MYH11: variants seen among roughly 807,000 people sequenced by gnomAD.
MYH11 encodes the protein myosin heavy chain 11.
A neutral mutation model predicts 246.6 loss-of-function variants in MYH11; 80 were observed. The ratio of observed to expected loss-of-function variants is 0.32; its 90% CI spans 0.27 to 0.39. MYH11 has a LOEUF of 0.39. Ranked by LOEUF, MYH11 falls within the 10% of genes least tolerant of loss-of-function variation. The pLI is 1.00. For synonymous variants in MYH11, 1,071 were observed against 1,015.5 expected (o/e 1.05, Z -1.04); for missense variants, 2,158 against 2,546.8 (o/e 0.85, Z 3.29).
intron 2 of MYH11, among the ~76,000 whole-genome samples, chr16:15,831,447 C>T (rs2043733368): frequency 7.4e-6 from 1 of 135,652 alleles, no homozygotes; most frequent in Non-Finnish European, 1.6e-5. Context: ...CAAGGAGTGA[C>T]TTTTTCTTAT....
chr16:15,851,044 C>T (rs1327904222), intron 1 of MYH11, among the ~76,000 whole-genome samples: 1 of 152,178 alleles, frequency 6.6e-6, no homozygotes, highest in African/African-American at 2.4e-5. Flanking sequence ...GCCTGGGCAG[C>T]ACAGTGAGAT....
intron 15 of MYH11, among the ~76,000 whole-genome samples, chr16:15,751,736 C>T (rs190034218): frequency 7.8e-4 from 118 of 151,896 alleles, no homozygotes; most frequent in Admixed American, 5.6e-3. Flanking sequence ...CCTTAGCCTC[C>T]TGAGTAGCTG....
intron 4 of MYH11, among the ~76,000 whole-genome samples, chr16:15,793,948 T>TTG (rs1555452954): frequency 1.6e-5 from 2 of 123,878 alleles, no homozygotes; most frequent in Admixed American, 8.5e-5. Context: ...TTCTTTTCTT[T>TTG]TTTTTTTTTT....
chr16:15,748,852 C>T (rs79809291), intron 16 of MYH11, among the ~76,000 whole-genome samples: 8,871 of 152,158 alleles, frequency 0.058, 884 homozygotes, highest in African/African-American at 0.2. Flanking sequence ...CACCTGGTCT[C>T]AAGTGATCCT....
rs559538731 is a variant in MYH11, at chr16:15,813,084, T to C, written c.502+10171A>G. On this transcript the variant is annotated intron_variant, in intron 3 of 40. Transcript: ENST00000300036. The stretch of plus-strand genomic sequence containing the variant: ...CAGGAGGCTGAGGCAGGAGAATCAC[T>C]TGAACCCAGGAGGTGGAGGTTGCAG... 3.9e-5 allele frequency among the ~76,000 whole-genome samples: 6 copies of C among 152,136 alleles called. No homozygotes were observed. The East Asian group carries it at 9.7e-4, about 25-fold the overall frequency.
chr16:15,851,836 C>T (rs1040766866), intron 1 of MYH11, among the ~76,000 whole-genome samples: 2 of 152,132 alleles, frequency 1.3e-5, no homozygotes, highest in African/African-American at 2.4e-5. Context: ...GCAAGAGTTA[C>T]GGTAGCCCCT....
intron 4 of MYH11, chr16:15,792,593 G>C (rs1385988628): frequency 3.0e-4 from 45 of 151,988 alleles, no homozygotes; most frequent in Admixed American, 2.9e-3. Flanking sequence ...ACGTAAACAA[G>C]TGGGTGCGGC....
intron 6 of MYH11, 88 bp from the exon 7 acceptor site, chr16:15,778,931 A>G (rs977518538): frequency 4.1e-6 from 5 of 1,227,930 alleles, no homozygotes; most frequent in Non-Finnish European, 6.0e-6. Flanking sequence ...CAGATGGTAC[A>G]GAGGATGGGA....
At chr16:15,732,240 G>C (rs571182378) in intron 27 of MYH11, among the ~76,000 whole-genome samples, 1 of 152,100 alleles carries the variant, frequency 6.6e-6, no homozygotes, top group South Asian at 2.1e-4. Context: ...TGGGATTACA[G>C]GCTTGAGCCA....
At chr16:15,778,132 T>C (rs574701529) in intron 7 of MYH11, among the ~76,000 whole-genome samples, 27 of 152,312 alleles carry the variant, frequency 1.8e-4, no homozygotes, top group African/African-American at 6.3e-4. Context: ...CTAGACCTGG[T>C]TGTTCCCCCA....
intron 13 of MYH11, 107 bp downstream of exon 13, chr16:15,757,720 G>A (rs1349135187): frequency 2.1e-6 from 3 of 1,396,126 alleles, no homozygotes; most frequent in Non-Finnish European, 3.0e-6. Flanking sequence ...GGATTGGGTG[G>A]GGGAATGCTA....
At chr16:15,715,550 G>A (rs145313061) in intron 38 of MYH11, among the ~76,000 whole-genome samples, 149 of 152,340 alleles carry the variant, frequency 9.8e-4, no homozygotes, top group African/African-American at 3.5e-3. Flanking sequence ...GTCCAGAATA[G>A]ATAAATTCAT....
intron 40 of MYH11, chr16:15,713,577 C>G (rs1330186853): frequency 6.6e-6 from 1 of 152,174 alleles, no homozygotes; most frequent in Non-Finnish European, 1.5e-5. Context: ...CTCACTGCAG[C>G]CTTGACCTCT....
rs184702267 is a variant in MYH11, at chr16:15,849,622, G to C, written c.-18+7319C>G. Among the ~76,000 whole-genome samples the C allele has an allele frequency of 8.6e-4, 131 of 151,886 alleles. 1 individual carries two copies. Among genetic ancestry groups the C allele is most frequent in the African/African-American group, 2.9e-3 (120 of 41,450 alleles). On this transcript the variant is annotated intron_variant, in intron 1 of 40. Coordinates refer to ENST00000300036, the MANE Select transcript of MYH11 (RefSeq NM_002474.3). Reference sequence around the variant, plus strand: ...ACACCCAGCTAATTTTTTAATTCTTGCATTTTTTTGTAGAGACAGGGGTCT... The same window carrying C: ...ACACCCAGCTAATTTTTTAATTCTTCCATTTTTTTGTAGAGACAGGGGTCT...
In MYH11 at chr16:15,808,946, G is replaced by A. The variant is rs575185373; in HGVS notation, c.503-10259C>T. Among the ~76,000 whole-genome samples the A allele has an allele frequency of 9.2e-5, 14 of 152,224 alleles. No individual in the cohort carries two copies. The South Asian group carries it at 2.9e-3, about 32-fold the overall frequency. The stretch of plus-strand genomic sequence containing the variant: ...AAGCAGAACTGGCCAGTGAAGGGGT[G>A]TAGGAGACAGGAAAACCAACGCTCT... On this transcript the variant is annotated intron_variant, in intron 3 of 40. Coordinates refer to ENST00000300036, the MANE Select transcript of MYH11 (RefSeq NM_002474.3).
intron 3 of MYH11, among the ~76,000 whole-genome samples, chr16:15,801,370 T>C (rs1029584719): frequency 5.3e-5 from 8 of 151,378 alleles, no homozygotes; most frequent in East Asian, 4.0e-4. Flanking sequence ...AAGACAGATA[T>C]ATAGGTAGGA....
chr16:15,737,732 G>C (rs2041162824), intron 24 of MYH11, 112 bp from the exon 25 acceptor site: 1 of 1,117,898 alleles, frequency 8.9e-7, no homozygotes, highest in African/African-American at 1.5e-5. Flanking sequence ...CCCCCAATCA[G>C]TAACCATCAT....
At chr16:15,795,733 A>G (rs2061972174) in intron 4 of MYH11, among the ~76,000 whole-genome samples, 1 of 152,238 alleles carries the variant, frequency 6.6e-6, no homozygotes, top group Non-Finnish European at 1.5e-5. Flanking sequence ...AGTGCTCACC[A>G]TGGGGCAGTG....
At chr16:15,721,791 G>A in intron 31 of MYH11, 157 bp from the exon 32 acceptor site, 1 of 731,188 alleles carries the variant, frequency 1.4e-6, no homozygotes. Context: ...TAATCATCTG[G>A]CGTTCTGACT....
Sources: gnomAD v4.1 joint callset for allele counts (sites outside exome capture counted in the v4.1 genomes callset) on GRCh38, gnomAD v4.1.1 for gene constraint, MANE v1.5 for transcripts, NCBI Gene and HGNC (gene_info 2026-07-23, HGNC 2026-07-21) for gene names.